Variants in AUTS2 observed in about 807,000 individuals in gnomAD.
The protein encoded by AUTS2 is autism susceptibility gene 2 protein.
In AUTS2, 17 loss-of-function variants were observed where a neutral mutation model predicts 112.4. The observed-to-expected ratio is 0.15, with a 90% CI of 0.10 to 0.23. AUTS2 has a LOEUF of 0.23. Among genes scored for constraint, AUTS2 ranks in the 10% least tolerant of loss-of-function variants. AUTS2 has a pLI of 1.00. For synonymous variants in AUTS2, 751 were observed against 702.7 expected (o/e 1.07, Z -1.09); for missense variants, 1,510 against 1,701.6 (o/e 0.89, Z 1.98).
At chr7:70,686,651 C>A (rs922083605) in intron 5 of AUTS2, among the ~76,000 whole-genome samples, 1 of 151,936 alleles carries the variant, frequency 6.6e-6, no homozygotes, top group Non-Finnish European at 1.5e-5. Context: ...CTGCCTCAGC[C>A]TCCCCCGAGA....
chr7:70,031,322 A>G (rs1167754995), intron 2 of AUTS2, among the ~76,000 whole-genome samples: 2 of 152,208 alleles, frequency 1.3e-5, no homozygotes, highest in African/African-American at 2.4e-5. Context: ...AATGACTGCA[A>G]CTTTGAAGAG....
intron 5 of AUTS2, among the ~76,000 whole-genome samples, chr7:70,682,363 A>C (rs1808253712): frequency 6.6e-6 from 1 of 152,230 alleles, no homozygotes; most frequent in African/African-American, 2.4e-5. Context: ...CCAAAAGGAA[A>C]GGGGGGAGAC....
At chr7:69,849,033 T>A (rs900998464) in intron 1 of AUTS2, among the ~76,000 whole-genome samples, 3 of 152,064 alleles carry the variant, frequency 2.0e-5, no homozygotes, top group Non-Finnish European at 4.4e-5. Context: ...ATAAAAAAAA[T>A]TAGCCAGTTG....
chr7:69,841,131 G>A (rs959092552), intron 1 of AUTS2, among the ~76,000 whole-genome samples: 1 of 152,166 alleles, frequency 6.6e-6, no homozygotes, highest in Non-Finnish European at 1.5e-5. Context: ...AACAATTTAT[G>A]CCAAAAATGT....
chr7:69,797,750 T>C (rs898422489), intron 1 of AUTS2, among the ~76,000 whole-genome samples: 3 of 150,128 alleles, frequency 2.0e-5, no homozygotes, highest in East Asian at 4.0e-4. Context: ...GTTTCTCAGA[T>C]TTTAAAAAAA....
At chr7:70,524,458 C>T (rs1260672431) in intron 5 of AUTS2, among the ~76,000 whole-genome samples, 2 of 152,208 alleles carry the variant, frequency 1.3e-5, no homozygotes, top group African/African-American at 4.8e-5. Flanking sequence ...TTATCTTGTT[C>T]TAATTAGGAC....
intron 1 of AUTS2, among the ~76,000 whole-genome samples, chr7:69,654,256 C>T (rs1384039166): frequency 6.6e-6 from 1 of 152,170 alleles, no homozygotes; most frequent in African/African-American, 2.4e-5. Flanking sequence ...CTGCAGCCCC[C>T]AGTCTTGCTT....
intron 2 of AUTS2, among the ~76,000 whole-genome samples, chr7:69,932,992 T>C (rs1796279772): frequency 6.6e-6 from 1 of 152,212 alleles, no homozygotes; most frequent in Admixed American, 6.5e-5. Flanking sequence ...TGAAGTAAAA[T>C]TATTTACATT....
At position 70,507,837 on chromosome 7, in the gene AUTS2, A is replaced by G. The variant is rs534233322; in HGVS notation, c.690+72056A>G. ...AAGAAAAAGTAACTAAGACATAAAA[A>G]CCAACCCAAAATAAGATGGGGCACC... is the stretch of plus-strand genomic sequence containing the variant. On this transcript the variant is annotated intron_variant, in intron 5 of 18. Transcript: ENST00000342771. Among the ~76,000 whole-genome samples, 77 of 152,234 alleles carry G rather than the reference A, an allele frequency of 5.1e-4. 1 individual carries two copies. The highest frequency in any genetic ancestry group is 1.8e-3 in the African/African-American group (74 of 41,538).
chr7:69,636,609 C>T (rs1794553900), intron 1 of AUTS2, among the ~76,000 whole-genome samples: 1 of 151,606 alleles, frequency 6.6e-6, no homozygotes, highest in African/African-American at 2.4e-5. Flanking sequence ...CTTTCTATAC[C>T]TTTTCTGTAT....
At chr7:70,383,498 T>C (rs558796655) in intron 4 of AUTS2, among the ~76,000 whole-genome samples, 2 of 152,352 alleles carry the variant, frequency 1.3e-5, no homozygotes, top group South Asian at 4.1e-4. Context: ...AGAGAGCTTA[T>C]TCACTTAGAA....
intron 5 of AUTS2, among the ~76,000 whole-genome samples, chr7:70,551,152 C>A (rs1264184519): frequency 6.6e-6 from 1 of 152,102 alleles, no homozygotes; most frequent in Non-Finnish European, 1.5e-5. Context: ...TCCATGACTC[C>A]ATACTGATAG....
chr7:70,084,486 A>G (rs1291239567), intron 2 of AUTS2, among the ~76,000 whole-genome samples: 3 of 152,232 alleles, frequency 2.0e-5, no homozygotes, highest in Admixed American at 2.0e-4. Context: ...GTACCATTTT[A>G]TATGCTCACC....
At chr7:70,255,521 C>T (rs1332995949) in intron 4 of AUTS2, among the ~76,000 whole-genome samples, 1 of 152,228 alleles carries the variant, frequency 6.6e-6, no homozygotes, top group Non-Finnish European at 1.5e-5. Context: ...CAGAGCCCCA[C>T]AAATAACTGA....
In AUTS2 at chr7:70,763,352, T is replaced by C; in HGVS notation, c.1214+11T>C. The C allele has an allele frequency of 6.5e-7, 1 of 1,531,856 alleles. No individual in the cohort carries two copies. The highest frequency in any genetic ancestry group is 8.8e-7 in the Non-Finnish European group (1 of 1,136,254). 94.9% of individuals were successfully genotyped at this position (1,531,856 alleles called of 1,614,324 possible). A position where few individuals can be genotyped will look rare whatever the true frequency, so the allele number is the denominator to read the frequency against. On this transcript the variant is annotated intron_variant, in intron 7 of 18. Coordinates refer to ENST00000342771, the MANE Select transcript of AUTS2 (RefSeq NM_015570.4). Reference sequence around the variant, plus strand: ...CCTCAACAGTTTAAGGTGAGTGGCCTGCTCTTCTTTGGCCTGACTTTTGCC... The same window carrying C: ...CCTCAACAGTTTAAGGTGAGTGGCCCGCTCTTCTTTGGCCTGACTTTTGCC...
intron 1 of AUTS2, among the ~76,000 whole-genome samples, chr7:69,763,423 A>G (rs888933101): frequency 1.3e-5 from 2 of 152,218 alleles, no homozygotes; most frequent in Non-Finnish European, 2.9e-5. Context: ...TACACAAGGC[A>G]TCTTTAGTAA....
chr7:69,773,401 G>A (rs1157591922), intron 1 of AUTS2, among the ~76,000 whole-genome samples: 1 of 149,076 alleles, frequency 6.7e-6, no homozygotes, highest in East Asian at 2.0e-4. Context: ...CAGCTTGCCT[G>A]TGTCTCATAC....
chr7:70,718,402 G>C (rs1211358438), intron 6 of AUTS2, among the ~76,000 whole-genome samples: 2 of 152,202 alleles, frequency 1.3e-5, no homozygotes, highest in Admixed American at 1.3e-4. Flanking sequence ...AGTGGCTCAT[G>C]CCTGTAATCC....
In AUTS2 at chr7:70,771,604, C is replaced by T. The variant is rs781065188; in HGVS notation, c.1790C>T (p.Thr597Ile). The change falls in exon 11 of 19, where the codon ACT (threonine) becomes ATT (isoleucine). Residue 597 changes from threonine to isoleucine, a missense_variant. By Grantham distance (89) the Thr-to-Ile change is moderately conservative. Around this residue, in one of 3 missense-constraint regions of AUTS2, gnomAD observed 187 missense variants for 309.7 expected, o/e 0.60. Transcript: ENST00000342771. ...VSGIPPMIPP[T>I]GPFGSLQGAF... The stretch of plus-strand genomic sequence containing the variant: ...GGCATCCCCCCTATGATCCCACCCA[C>T]TGGCCCTTTTGGTTCACTACAAGGA... 1 of 1,613,920 alleles carries T rather than the reference C, an allele frequency of 6.2e-7. No individual in the cohort carries two copies. Among genetic ancestry groups the T allele is most frequent in the South Asian group, 1.1e-5 (1 of 91,050 alleles).
Sources: gnomAD v4.1 joint callset for allele counts (sites outside exome capture counted in the v4.1 genomes callset) on GRCh38, gnomAD v4.1.1 for gene constraint, gnomAD v4.1.1 regional missense constraint, MANE v1.5 for transcripts, NCBI Gene and HGNC (gene_info 2026-07-23, HGNC 2026-07-21) for gene names.